SGCD: variants seen among roughly 807,000 people sequenced by gnomAD.
The protein encoded by SGCD is sarcoglycan delta.
In SGCD, 18 loss-of-function variants were observed where a neutral mutation model predicts 36.6. The observed-to-expected ratio is 0.49, with a 90% CI of 0.34 to 0.73. The LOEUF (loss-of-function observed/expected upper bound fraction) is 0.73, where lower values mean the gene tolerates loss of function less well. Among genes scored for constraint, SGCD ranks in the 30% least tolerant of loss-of-function variants. The probability of loss-of-function intolerance (pLI) is 0.01; values close to 1 mark genes in which losing one functional copy is unlikely to be tolerated. For synonymous variants in SGCD, 133 were observed against 130.6 expected (o/e 1.02, Z -0.12); for missense variants, 387 against 346.7 (o/e 1.12, Z -0.92).
At chr5:155,815,489 G>T in the SGCD span, among the ~76,000 whole-genome samples, 1 of 152,130 alleles carries the variant, frequency 6.6e-6, no homozygotes. Flanking sequence ...TGTTATATTA[G>T]TCTGTTCTCA....
intron 1 of SGCD, among the ~76,000 whole-genome samples, chr5:156,110,231 A>C (rs185958884): frequency 1.3e-5 from 2 of 152,158 alleles, no homozygotes; most frequent in Admixed American, 6.5e-5. Flanking sequence ...ATTATAGGAG[A>C]ACCTACCTCA....
At chr5:156,346,830 C>A (rs1467006525) in intron 3 of SGCD, among the ~76,000 whole-genome samples, 1 of 151,076 alleles carries the variant, frequency 6.6e-6, no homozygotes, top group Admixed American at 6.6e-5. Flanking sequence ...CGGAGTCTTG[C>A]TGTGTCACCC....
chr5:156,004,228 ATTC>A (rs1392556602), intron 1 of SGCD, among the ~76,000 whole-genome samples: 1 of 152,196 alleles, frequency 6.6e-6, no homozygotes, highest in African/African-American at 2.4e-5. Context: ...AATATGTATA[ATTC>A]TTAAACATCA....
intron 1 of SGCD, among the ~76,000 whole-genome samples, chr5:155,997,326 A>G (rs1490445792): frequency 2.0e-5 from 3 of 152,236 alleles, no homozygotes; most frequent in Non-Finnish European, 4.4e-5. Context: ...CTAATTCTCA[A>G]CACAGTGAAA....
intron 6 of SGCD, among the ~76,000 whole-genome samples, chr5:156,608,158 C>T (rs1476730504): frequency 6.6e-6 from 1 of 152,130 alleles, no homozygotes; most frequent in Admixed American, 6.5e-5. Flanking sequence ...TTAGATCTTT[C>T]CTGCTTTCTC....
chr5:156,736,866 T>G (rs1205908511), intron 7 of SGCD, among the ~76,000 whole-genome samples: 1 of 152,162 alleles, frequency 6.6e-6, no homozygotes, highest in Non-Finnish European at 1.5e-5. Flanking sequence ...GCCCTCAGCT[T>G]TCACATAATC....
chr5:155,789,460 G>T, the SGCD span, among the ~76,000 whole-genome samples: 1 of 152,016 alleles, frequency 6.6e-6, no homozygotes, highest in African/African-American at 2.4e-5. Context: ...GAGAAACACA[G>T]CTTTATTACT....
At chr5:156,528,579 A>G (rs1368606816) in intron 4 of SGCD, among the ~76,000 whole-genome samples, 1 of 152,192 alleles carries the variant, frequency 6.6e-6, no homozygotes, top group African/African-American at 2.4e-5. Context: ...AATTATCTGT[A>G]TTAGCTACAT....
intron 3 of SGCD, among the ~76,000 whole-genome samples, chr5:156,150,189 G>GCCTTTT (rs1762801835): frequency 1.4e-5 from 2 of 147,756 alleles, no homozygotes; most frequent in African/African-American, 5.4e-5. Context: ...TACTCTTTTT[G>GCCTTTT]CAACTCCTTT....
At chr5:156,732,966 C>G (rs762878615) in intron 7 of SGCD, among the ~76,000 whole-genome samples, 7 of 151,892 alleles carry the variant, frequency 4.6e-5, no homozygotes, top group Non-Finnish European at 1.0e-4. Flanking sequence ...CTTCTCTTTT[C>G]TTCTTTGTCT....
At chr5:156,694,223 C>T (rs535906837) in intron 7 of SGCD, among the ~76,000 whole-genome samples, 2 of 152,172 alleles carry the variant, frequency 1.3e-5, no homozygotes, top group Non-Finnish European at 2.9e-5. Context: ...ACCTTCTCAC[C>T]CAGGTCACTG....
the SGCD span, among the ~76,000 whole-genome samples, chr5:155,820,548 C>T: frequency 6.6e-6 from 1 of 151,824 alleles, no homozygotes; most frequent in African/African-American, 2.4e-5. Context: ...ATAAATAAAA[C>T]TAGCCCAGTG....
intron 1 of SGCD, among the ~76,000 whole-genome samples, chr5:155,900,351 A>G (rs935307334): frequency 3.3e-5 from 5 of 152,186 alleles, no homozygotes; most frequent in Admixed American, 3.3e-4. Flanking sequence ...ACAAATTAAA[A>G]ACAATAGCAG....
intron 1 of SGCD, among the ~76,000 whole-genome samples, chr5:155,880,943 T>G (rs4704822): frequency 0.13 from 19,850 of 152,110 alleles, 1,660 homozygotes; most frequent in African/African-American, 0.24. Context: ...CTTCTTTTTC[T>G]TAGAATGAAA....
At chr5:156,268,679 G>A (rs140333614) in intron 3 of SGCD, among the ~76,000 whole-genome samples, 696 of 152,042 alleles carry the variant, frequency 4.6e-3, no homozygotes, top group Non-Finnish European at 7.9e-3. Flanking sequence ...TGTTACCTCC[G>A]CCTCCTTGGT....
chr5:156,133,755 TG>T (rs2127607307), intron 3 of SGCD, among the ~76,000 whole-genome samples: 1 of 152,280 alleles, frequency 6.6e-6, no homozygotes, highest in African/African-American at 2.4e-5. Context: ...TGACAGTTAC[TG>T]AAAAAAAGAT....
intron 4 of SGCD, among the ~76,000 whole-genome samples, chr5:156,565,767 A>C (rs979530359): frequency 6.6e-6 from 1 of 151,406 alleles, no homozygotes; most frequent in Non-Finnish European, 1.5e-5. Flanking sequence ...TCATAGTTCA[A>C]CTCCCACTTA....
At chr5:155,788,549 T>C in the SGCD span, among the ~76,000 whole-genome samples, 1 of 152,180 alleles carries the variant, frequency 6.6e-6, no homozygotes, top group African/African-American at 2.4e-5. Context: ...TCTATGTGTA[T>C]GCTAGGTTAT....
At chr5:156,112,084 T>G (rs768297163) in intron 1 of SGCD, among the ~76,000 whole-genome samples, 1 of 152,202 alleles carries the variant, frequency 6.6e-6, no homozygotes, top group Non-Finnish European at 1.5e-5. Flanking sequence ...AGCCTTCTTA[T>G]GTGAATGAGT....
Sources: gnomAD v4.1 joint callset for allele counts (sites outside exome capture counted in the v4.1 genomes callset) on GRCh38, gnomAD v4.1.1 for gene constraint, MANE v1.5 for transcripts, NCBI Gene and HGNC (gene_info 2026-07-23, HGNC 2026-07-21) for gene names.